The following PKHD1 variants were observed in gnomAD, a reference collection of about 807,000 sequenced individuals.
The protein encoded by PKHD1 is fibrocystin.
In PKHD1, 291 loss-of-function variants were observed where a neutral mutation model predicts 412.0. The ratio of observed to expected loss-of-function variants is 0.71; its 90% confidence interval spans 0.64 to 0.78. PKHD1 has a LOEUF of 0.78. Ranked by LOEUF, PKHD1 falls within the 30% of genes least tolerant of loss-of-function variation. The probability of loss-of-function intolerance (pLI) is 0.00; values close to 1 mark genes in which losing one functional copy is unlikely to be tolerated. For synonymous variants in PKHD1, 1,777 were observed against 1,821.5 expected (o/e 0.98, Z 0.62); for missense variants, 4,825 against 4,950.7 (o/e 0.97, Z 0.76).
In PKHD1 at chr6:51,654,802, G is replaced by A. The variant is rs913153497; in HGVS notation, c.11174+4150C>T. 1.3e-5 allele frequency among the ~76,000 whole-genome samples: 2 copies of A among 152,068 alleles called. 1 individual carries two copies. Among genetic ancestry groups the A allele is most frequent in the Admixed American group, 1.3e-4 (2 of 15,234 alleles). On this transcript the variant is annotated intron_variant, in intron 61 of 66. Transcript: ENST00000371117. ...GGCATCACAGCAAAAACAGGATTGT[G>A]AAGTAAATGACAGATTTAATGATGA...
chr6:51,916,823 G>T (rs1199630697), intron 37 of PKHD1, among the ~76,000 whole-genome samples: 1 of 151,988 alleles, frequency 6.6e-6, no homozygotes, highest in Non-Finnish European at 1.5e-5. Flanking sequence ...AAATGAAAAA[G>T]GACTATGCTT....
chr6:51,880,920 C>T (rs1274400180), intron 46 of PKHD1, among the ~76,000 whole-genome samples: 3 of 147,962 alleles, frequency 2.0e-5, no homozygotes, highest in Non-Finnish European at 4.5e-5. Context: ...GAGCCAAGAT[C>T]GCGCCACTGC....
At chr6:52,072,094 G>T in intron 8 of PKHD1, 21 bp downstream of exon 8, 1 of 1,457,986 alleles carries the variant, frequency 6.9e-7, no homozygotes, top group Non-Finnish European at 9.6e-7. Flanking sequence ...ATGTGCATTG[G>T]CAAGATAATA....
intron 36 of PKHD1, among the ~76,000 whole-genome samples, chr6:51,950,220 A>AAAAAAAAAAAAAAAAAATATATATAT: frequency 4.1e-5 from 4 of 98,324 alleles, no homozygotes; most frequent in African/African-American, 1.5e-4. Flanking sequence ...GAAAAAAAAA[A>AAAAAAAAAAAAAAAAAATATATATAT]ATATATATAT....
intron 60 of PKHD1, among the ~76,000 whole-genome samples, chr6:51,706,568 A>T (rs1582191195): frequency 2.6e-5 from 4 of 152,002 alleles, no homozygotes; most frequent in Admixed American, 2.6e-4. Context: ...GAACAAGTGG[A>T]AGAGGGGTCA....
intron 37 of PKHD1, among the ~76,000 whole-genome samples, chr6:51,919,166 C>A (rs1219301581): frequency 6.6e-6 from 1 of 152,180 alleles, no homozygotes; most frequent in Non-Finnish European, 1.5e-5. Context: ...GCTTCTGTTG[C>A]CATTGCTTTT....
At chr6:51,636,150 T>C (rs598339) in intron 64 of PKHD1, among the ~76,000 whole-genome samples, 6,510 of 152,248 alleles carry the variant, frequency 0.043, 235 homozygotes, top group African/African-American at 0.093. Flanking sequence ...CATAAATACT[T>C]GGGCAGATCT....
chr6:52,034,920 T>C (rs1562193973), intron 28 of PKHD1, among the ~76,000 whole-genome samples: 1 of 152,188 alleles, frequency 6.6e-6, no homozygotes, highest in Non-Finnish European at 1.5e-5. Context: ...ATCTTTATTT[T>C]GGGGTCATGG....
chr6:51,765,612 C>A (rs2151088838), intron 55 of PKHD1, among the ~76,000 whole-genome samples: 1 of 152,110 alleles, frequency 6.6e-6, no homozygotes, highest in Middle Eastern at 3.4e-3. Flanking sequence ...TAAAATGGTA[C>A]CCTTCACATT....
chr6:52,081,618 C>T lies in PKHD1; in HGVS notation c.281+774G>A, dbSNP rs116583930. On this transcript the variant is annotated intron_variant, in intron 4 of 66. Coordinates refer to ENST00000371117, the MANE Select transcript of PKHD1 (RefSeq NM_138694.4). ...TTGCACAGAAAAGTGTGGGTACACACACATACACCCTGTGGATGAATTACT... is the reference window on the plus strand; with the variant it reads ...TTGCACAGAAAAGTGTGGGTACACATACATACACCCTGTGGATGAATTACT... Among the ~76,000 whole-genome samples, 1,015 of 152,130 alleles carry T rather than the reference C, an allele frequency of 6.7e-3. 19 individuals carry two copies. Among genetic ancestry groups the T allele is most frequent in the African/African-American group, 0.023 (946 of 41,492 alleles).
chr6:51,771,229 C>T (rs981969779), intron 55 of PKHD1, among the ~76,000 whole-genome samples: 1 of 151,838 alleles, frequency 6.6e-6, no homozygotes, highest in East Asian at 1.9e-4. Context: ...CACACATGCA[C>T]ATAACCTACT....
chr6:51,822,464 T>C (rs1766599244), intron 52 of PKHD1, among the ~76,000 whole-genome samples: 1 of 152,178 alleles, frequency 6.6e-6, no homozygotes, highest in South Asian at 2.1e-4. Context: ...ACTCGTTCTA[T>C]GATATCTCTT....
At chr6:52,027,692 C>T (rs546333910) in intron 31 of PKHD1, 137 bp downstream of exon 31, 2 of 715,020 alleles carry the variant, frequency 2.8e-6, no homozygotes, top group African/African-American at 3.5e-5. Flanking sequence ...CCCCTCAGTT[C>T]CTGGAGCCCG....
intron 53 of PKHD1, among the ~76,000 whole-genome samples, chr6:51,783,541 T>G (rs192344204): frequency 3.4e-5 from 5 of 147,652 alleles, no homozygotes; most frequent in African/African-American, 1.3e-4. Context: ...TTGAGTTGAC[T>G]GTTTGGGTCA....
chr6:51,704,375 T>C (rs1779778559), intron 60 of PKHD1, among the ~76,000 whole-genome samples: 1 of 152,100 alleles, frequency 6.6e-6, no homozygotes, highest in Admixed American at 6.6e-5. Context: ...GATTTTCTTC[T>C]ATAAGATAAA....
In PKHD1 at chr6:52,058,545, C is replaced by T; in HGVS notation, c.1290G>A (p.Gln430=). The part of the protein sequence containing the change: ...GTADWFDSWE[Q]NRDEGTWQQK... ...GCTGCCAGGTCCCTTCATCCCTATTCTGCTCCCAGGAGTCAAACCAGTCAG... is the reference window on the plus strand; with the variant it reads ...GCTGCCAGGTCCCTTCATCCCTATTTTGCTCCCAGGAGTCAAACCAGTCAG... The change falls in exon 16 of 67, where the codon CAG becomes CAA. Residue 430 remains glutamine (Q), a synonymous_variant. Transcript: ENST00000371117. The T allele has an allele frequency of 6.2e-7, 1 of 1,614,220 alleles. No individual in the cohort carries two copies. The highest frequency in any genetic ancestry group is 8.5e-7 in the Non-Finnish European group (1 of 1,180,032).
At chr6:51,824,802 T>C (rs894655549) in intron 52 of PKHD1, among the ~76,000 whole-genome samples, 13 of 152,156 alleles carry the variant, frequency 8.5e-5, no homozygotes, top group African/African-American at 3.1e-4. Context: ...GAAGAGGCTC[T>C]GGTCACACAT....
At chr6:51,620,607 A>C (rs749290983) in intron 66 of PKHD1, among the ~76,000 whole-genome samples, 158 of 151,838 alleles carry the variant, frequency 1.0e-3, no homozygotes, top group Admixed American at 3.0e-3. Flanking sequence ...TAACTTATTA[A>C]GCTTTTTGTT....
intron 49 of PKHD1, among the ~76,000 whole-genome samples, chr6:51,854,786 C>A (rs1315765905): frequency 1.3e-5 from 2 of 151,982 alleles, no homozygotes; most frequent in African/African-American, 4.8e-5. Context: ...CTGGCTCCAA[C>A]AGGGAAAAAA....
Sources: allele counts gnomAD v4.1 joint callset (sites outside exome capture counted in the v4.1 genomes callset), GRCh38; gene constraint gnomAD v4.1.1; transcripts MANE v1.5; gene names NCBI Gene and HGNC (gene_info 2026-07-23, HGNC 2026-07-21).